The following WDR44 variants were observed in gnomAD, a reference collection of about 807,000 sequenced individuals.
The protein encoded by WDR44 is WD repeat domain 44.
Under a neutral mutation model 65.7 loss-of-function variants are expected in WDR44, and 9 were observed. The ratio of observed to expected loss-of-function variants is 0.14; its 90% CI spans 0.08 to 0.24. The LOEUF is 0.24. Among genes scored for constraint, WDR44 ranks in the 10% least tolerant of loss-of-function variants. The pLI is 1.00. For synonymous variants in WDR44, 220 were observed against 235.2 expected (o/e 0.94, Z 0.59); for missense variants, 425 against 670.9 (o/e 0.63, Z 4.05).
chrX:118,385,487 A>T (rs1277096233), intron 2 of WDR44, among the ~76,000 whole-genome samples: 2 of 111,027 alleles, frequency 1.8e-5, no homozygotes, highest in Non-Finnish European at 3.8e-5. Context: ...GGAACAACAC[A>T]TGTTGAGGCC....
At chrX:118,395,620 T>C (rs2056859220) in intron 6 of WDR44, among the ~76,000 whole-genome samples, 1 of 112,237 alleles carries the variant, frequency 8.9e-6, no homozygotes, top group African/African-American at 3.2e-5. Flanking sequence ...TTTGTTGATA[T>C]GCTGGATGTA....
At chrX:118,439,491 G>A (rs369434980) in intron 14 of WDR44, among the ~76,000 whole-genome samples, 17 of 109,977 alleles carry the variant, frequency 1.5e-4, no homozygotes, top group African/African-American at 5.3e-4. Context: ...CAGGAGAATT[G>A]CTTGAGCCAA....
chrX:118,423,700 C>T (rs1301518831), intron 12 of WDR44, among the ~76,000 whole-genome samples: 3 of 111,757 alleles, frequency 2.7e-5, no homozygotes, highest in African/African-American at 9.8e-5. Context: ...TATAATAGAT[C>T]TCTCAAACTT....
rs932178127 is a variant in WDR44, at chrX:118,411,555, T to G, written c.1737+596T>G. Reference sequence around the variant, plus strand: ...TGCTCAACAGTATTTTCCTGAGATTTCATTGGCTCCAGTATTTGACACTAC... The same window carrying G: ...TGCTCAACAGTATTTTCCTGAGATTGCATTGGCTCCAGTATTTGACACTAC... On this transcript the variant is annotated intron_variant, in intron 12 of 19. Transcript: ENST00000254029. 4.8e-4 allele frequency among the ~76,000 whole-genome samples: 54 copies of G among 111,821 alleles called. 1 individual carries two copies. The highest frequency in any genetic ancestry group is 1.7e-3 in the African/African-American group (53 of 30,833).
intron 14 of WDR44, among the ~76,000 whole-genome samples, chrX:118,441,148 C>T (rs774344571): frequency 3.7e-5 from 4 of 109,104 alleles, no homozygotes; most frequent in South Asian, 4.0e-4. Flanking sequence ...TTACTAGAGA[C>T]GAGGTTTCAC....
chrX:118,388,736 A>C (rs905275968), intron 3 of WDR44, among the ~76,000 whole-genome samples: 1 of 111,918 alleles, frequency 8.9e-6, no homozygotes, highest in Non-Finnish European at 1.9e-5. Flanking sequence ...ACTATAACAC[A>C]CAGGTGTCTT....
intron 1 of WDR44, among the ~76,000 whole-genome samples, chrX:118,358,344 T>A (rs1347793932): frequency 8.9e-6 from 1 of 112,143 alleles, no homozygotes; most frequent in Non-Finnish European, 1.9e-5. Context: ...CAAACTTTTT[T>A]AACTCTTAAA....
intron 10 of WDR44, among the ~76,000 whole-genome samples, chrX:118,408,933 T>G (rs1177262906): frequency 3.6e-5 from 4 of 111,801 alleles, no homozygotes; most frequent in African/African-American, 1.3e-4. Context: ...GGGTTTGAGT[T>G]CTTGAAGTTG....
rs1289349202 is a variant in WDR44, at chrX:118,424,323, G to GTGTGTGTATATA, written c.1738-8457_1738-8456insGTGTGTATATAT. ...TGTATATATATATATGTGTGTGTGT[G>GTGTGTGTATATA]TATATATATATATATATATATATAT... On this transcript the variant is annotated intron_variant, in intron 12 of 19. Coordinates refer to ENST00000254029, the MANE Select transcript of WDR44 (RefSeq NM_019045.5). Among the ~76,000 whole-genome samples the GTGTGTGTATATA allele has an allele frequency of 1.8e-3, 116 of 65,554 alleles. 2 individuals carry two copies. Among genetic ancestry groups the GTGTGTGTATATA allele is most frequent in the African/African-American group, 0.01 (101 of 10,097 alleles). 56.9% of individuals were successfully genotyped at this position (65,554 alleles called of 115,157 possible). A position where few individuals can be genotyped will look rare whatever the true frequency, so the allele number is the denominator to read the frequency against.
chrX:118,398,534 C>T (rs1181195160), intron 8 of WDR44, 64 bp downstream of exon 8: 6 of 936,064 alleles, frequency 6.4e-6, no homozygotes, highest in Non-Finnish European at 9.1e-6. Context: ...TGAGAACTAC[C>T]ATACTATTTT....
At chrX:118,387,263 A>G (rs994618896) in intron 2 of WDR44, 77 bp from the exon 3 acceptor site, 1 of 615,092 alleles carries the variant, frequency 1.6e-6, no homozygotes. Context: ...ACATTTTCTC[A>G]TTTGTACCCC....
At chrX:118,445,031 C>T (rs1219104017) in intron 19 of WDR44, 2 of 328,873 alleles carry the variant, frequency 6.1e-6, no homozygotes, top group Non-Finnish European at 1.2e-5. Flanking sequence ...TGCGGTGGCT[C>T]ACACCTGTAA....
intron 1 of WDR44, among the ~76,000 whole-genome samples, chrX:118,354,974 T>C (rs770269150): frequency 2.0e-4 from 22 of 112,436 alleles, no homozygotes; most frequent in Non-Finnish European, 1.9e-4. Context: ...GACATTGTTC[T>C]TGAACTGGTA....
At chrX:118,370,306 T>G (rs1369821165) in intron 1 of WDR44, among the ~76,000 whole-genome samples, 1 of 111,210 alleles carries the variant, frequency 9.0e-6, no homozygotes, top group Non-Finnish European at 1.9e-5. Flanking sequence ...TGACCTTCAG[T>G]ATTGGAGGTA....
intron 19 of WDR44, among the ~76,000 whole-genome samples, chrX:118,446,867 TATGAATGAATGA>T (rs767020047): frequency 1.8e-5 from 2 of 109,371 alleles, no homozygotes; most frequent in African/African-American, 3.3e-5. Flanking sequence ...TTTTTTAACT[TATGAATGAATGA>T]ATGAATGAAT....
chrX:118,359,526 G>A (rs1417294569), intron 1 of WDR44, among the ~76,000 whole-genome samples: 2 of 111,966 alleles, frequency 1.8e-5, no homozygotes, highest in East Asian at 5.6e-4. Flanking sequence ...TGAAAAATCA[G>A]GTTGTCATTT....
intron 12 of WDR44, among the ~76,000 whole-genome samples, chrX:118,420,471 T>C (rs1369296880): frequency 9.0e-6 from 1 of 111,017 alleles, no homozygotes; most frequent in Non-Finnish European, 1.9e-5. Flanking sequence ...CAGGCTGGTC[T>C]TAAACTCCTG....
rs182732365 is a variant in WDR44, at chrX:118,381,464, G to C, written c.111+3012G>C. On this transcript the variant is annotated intron_variant, in intron 2 of 19. Transcript: ENST00000254029. ...ACCCTGGACGATAGAGTGAGACTCT[G>C]TCTCAAGTTAAAAAAAAATTTAGAA... Among the ~76,000 whole-genome samples the C allele has an allele frequency of 5.4e-5, 6 of 110,636 alleles. No individual in the cohort carries two copies. The East Asian group carries it at 1.4e-3, about 26-fold the overall frequency.
chrX:118,360,118 A>T (rs2056498258), intron 1 of WDR44, among the ~76,000 whole-genome samples: 1 of 112,125 alleles, frequency 8.9e-6, no homozygotes, highest in Admixed American at 9.5e-5. Flanking sequence ...TTAAAATAGG[A>T]CTGTGAGAAT....
Sources: allele counts gnomAD v4.1 joint callset (sites outside exome capture counted in the v4.1 genomes callset), GRCh38; gene constraint gnomAD v4.1.1; transcripts MANE v1.5; gene names NCBI Gene and HGNC (gene_info 2026-07-23, HGNC 2026-07-21).